Variants in NUP58 observed in about 807,000 individuals in gnomAD.
NUP58 encodes the protein nucleoporin p58/p45.
A neutral mutation model predicts 70.1 loss-of-function variants in NUP58; 17 were observed. The ratio of observed to expected loss-of-function variants is 0.24; its 90% CI spans 0.17 to 0.36. The LOEUF is 0.36. NUP58 is among the 10% of genes least tolerant of loss of function. The probability of loss-of-function intolerance (pLI) is 1.00; values close to 1 mark genes in which losing one functional copy is unlikely to be tolerated. For missense variants in NUP58, 644 were observed against 701.5 expected, an observed-to-expected ratio of 0.92 and a Z score of 0.93; for synonymous variants, 275 against 257.6, an observed-to-expected ratio of 1.07 and a Z score of -0.65.
chr13:25,330,157 A>C (rs2031553302), intron 12 of NUP58, among the ~76,000 whole-genome samples: 1 of 152,120 alleles, frequency 6.6e-6, no homozygotes, highest in Non-Finnish European at 1.5e-5. Flanking sequence ...TCTTGGTCTT[A>C]AGTTTCTAAG....
At chr13:25,346,735 G>C (rs2032055183), downstream of NUP58, among the ~76,000 whole-genome samples, 3 of 149,388 alleles carry the variant, frequency 2.0e-5, no homozygotes, top group African/African-American at 7.5e-5. Context: ...AAAAAAAAAA[G>C]ATACAAGAAA....
At chr13:25,318,937 G>A (rs1370078476) in intron 6 of NUP58, among the ~76,000 whole-genome samples, 1 of 152,180 alleles carries the variant, frequency 6.6e-6, no homozygotes, top group Admixed American at 6.5e-5. Context: ...TTTCCATACA[G>A]GATATTTTTC....
At chr13:25,321,748 C>G (rs1287993662) in intron 9 of NUP58, among the ~76,000 whole-genome samples, 3 of 152,092 alleles carry the variant, frequency 2.0e-5, no homozygotes, top group Admixed American at 1.3e-4. Flanking sequence ...GAAATCCCGT[C>G]TCTACTAAAA....
intron 15 of NUP58, 168 bp downstream of exon 15, chr13:25,338,899 C>CAT (rs2031871655): frequency 2.1e-6 from 1 of 475,806 alleles, no homozygotes; most frequent in Non-Finnish European, 3.8e-6. Flanking sequence ...TTATCTCTCT[C>CAT]ATAAACTAAA....
intron 3 of NUP58, chr13:25,309,924 CT>C (rs781260227): frequency 1.2e-5 from 3 of 242,234 alleles, no homozygotes; most frequent in African/African-American, 7.0e-5. Context: ...GATTGGCAGA[CT>C]TTCTTCATTT....
chr13:25,303,723 C>T (rs1166360597), intron 1 of NUP58, among the ~76,000 whole-genome samples: 1 of 152,142 alleles, frequency 6.6e-6, no homozygotes, highest in African/African-American at 2.4e-5. Flanking sequence ...GTTGTCAGAT[C>T]TCAGCACTAG....
chr13:25,319,328 G>A lies in NUP58; in HGVS notation c.688G>A (p.Asp230Asn). Reference protein sequence around the residue: ...DFSSSSDKKSDKTGTRPEDSK... With the variant: ...DFSSSSDKKSNKTGTRPEDSK... ...GTGAAGCTTCTTGAATTTTCTAGGT[G>A]ATAAAACGGGAACAAGACCAGAGTA... Residue 230 changes from aspartate (D) to asparagine (N), a missense_variant and splice_region_variant, in exon 7 of 16, where the codon GAT becomes AAT. Asp to Asn is a conservative substitution (Grantham distance 23, BLOSUM62 1). Coordinates refer to ENST00000381736, the MANE Select transcript of NUP58 (RefSeq NM_014089.4). 3.7e-6 allele frequency: 6 copies of A among 1,612,734 alleles called. No homozygotes were observed. Among genetic ancestry groups the A allele is most frequent in the Non-Finnish European group, 5.1e-6 (6 of 1,179,112 alleles).
At chr13:25,336,022 C>G (rs979432583) in intron 13 of NUP58, 2 of 1,154,950 alleles carry the variant, frequency 1.7e-6, no homozygotes, top group African/African-American at 3.4e-5. Context: ...AAGTTTGATG[C>G]TATTCTTGCC....
intron 12 of NUP58, among the ~76,000 whole-genome samples, chr13:25,327,868 G>T (rs538893166): frequency 6.6e-6 from 1 of 152,142 alleles, no homozygotes; most frequent in East Asian, 1.9e-4. Context: ...TATTTAGGTG[G>T]TTTCTATTTC....
At chr13:25,309,874 AAG>A (rs1324876748) in intron 3 of NUP58, 17 of 189,390 alleles carry the variant, frequency 9.0e-5, no homozygotes. Flanking sequence ...AAGGAAATGA[AAG>A]AACATTCAGA....
chr13:25,346,573 A>C (rs1358446731), downstream of NUP58, among the ~76,000 whole-genome samples: 1 of 152,078 alleles, frequency 6.6e-6, no homozygotes, highest in Non-Finnish European at 1.5e-5. Context: ...TACAAAAATT[A>C]GCCAGGTGTG....
At chr13:25,330,790 A>G (rs986002853) in intron 12 of NUP58, among the ~76,000 whole-genome samples, 9 of 152,122 alleles carry the variant, frequency 5.9e-5, no homozygotes, top group Non-Finnish European at 1.2e-4. Flanking sequence ...TACAATGGTC[A>G]AATAATAGCA....
At chr13:25,345,567 C>T (rs1237036411), downstream of NUP58, among the ~76,000 whole-genome samples, 2 of 97,998 alleles carry the variant, frequency 2.0e-5, no homozygotes, top group East Asian at 6.8e-4. Flanking sequence ...ATCCCAGCAA[C>T]TGGATGATGG....
At chr13:25,314,586 T>C (rs898064905) in intron 5 of NUP58, among the ~76,000 whole-genome samples, 1 of 152,072 alleles carries the variant, frequency 6.6e-6, no homozygotes, top group Admixed American at 6.5e-5. Context: ...TCCAAGCTGT[T>C]TGGGAGGCTG....
In NUP58 at chr13:25,310,965, ACAGT is replaced by A. The variant is rs889091159; in HGVS notation, c.286+1689_286+1692del. ...GGGAACTGCTAAGGGTTGGAGCAAG[ACAGT>A]CAGTCTGTTGTGAGGTGAAAGGGAT... On this transcript the variant is annotated intron_variant, in intron 3 of 15. Coordinates refer to ENST00000381736, the MANE Select transcript of NUP58 (RefSeq NM_014089.4). Among the ~76,000 whole-genome samples, 12 of 152,270 alleles carry A rather than the reference ACAGT, an allele frequency of 7.9e-5. No homozygotes were observed. The South Asian group carries it at 1.9e-3, about 24-fold the overall frequency.
At chr13:25,332,612 G>A (rs1230088117) in intron 13 of NUP58, 9 of 985,202 alleles carry the variant, frequency 9.1e-6, no homozygotes, top group Non-Finnish European at 9.6e-6. Context: ...TTCACTATTG[G>A]CAGTTTAAAA....
chr13:25,316,380 A>G (rs1238755879), intron 6 of NUP58, among the ~76,000 whole-genome samples: 2 of 152,182 alleles, frequency 1.3e-5, no homozygotes, highest in East Asian at 3.8e-4. Context: ...ATATATATAC[A>G]TATTGAACTT....
chr13:25,324,648 T>TA (rs956437741), intron 9 of NUP58, among the ~76,000 whole-genome samples: 23 of 147,750 alleles, frequency 1.6e-4, no homozygotes, highest in South Asian at 2.1e-4. Context: ...ACCTGCCTTT[T>TA]AAAAAAAAAA....
chr13:25,331,284 G>GTTA, intron 12 of NUP58, 73 bp from the exon 13 acceptor site: 1 of 1,391,598 alleles, frequency 7.2e-7, no homozygotes, highest in Non-Finnish European at 1.0e-6. Context: ...GTAATTTATG[G>GTTA]TTATATTCAT....
Sources: allele counts gnomAD v4.1 joint callset (sites outside exome capture counted in the v4.1 genomes callset), GRCh38; gene constraint gnomAD v4.1.1; transcripts MANE v1.5; gene names NCBI Gene and HGNC (gene_info 2026-07-23, HGNC 2026-07-21).